Variants in PID1 observed in about 807,000 individuals in gnomAD.
PID1 encodes the protein phosphotyrosine interaction domain containing 1, also known as PTB-containing, cubilin and LRP1-interacting protein.
Under a neutral mutation model 19.1 loss-of-function variants are expected in PID1, and 10 were observed. The ratio of observed to expected loss-of-function variants is 0.52; its 90% CI spans 0.32 to 0.89. PID1 has a LOEUF of 0.89. PID1 is among the 40% of genes least tolerant of loss of function. The pLI, the probability that PID1 is intolerant of heterozygous loss-of-function variation, is 0.03. For synonymous variants in PID1, 130 were observed against 116.0 expected (o/e 1.12, Z -0.78); for missense variants, 248 against 285.3 (o/e 0.87, Z 0.94).
chr2:229,046,346 A>AAG (rs1263021466), intron 2 of PID1, among the ~76,000 whole-genome samples: 4 of 107,480 alleles, frequency 3.7e-5, no homozygotes, highest in Non-Finnish European at 5.4e-5. Context: ...TAAATTAGGA[A>AAG]AGTGTGTGTG....
chr2:229,257,365 G>C (rs1002431255), intron 1 of PID1, among the ~76,000 whole-genome samples: 2 of 152,150 alleles, frequency 1.3e-5, no homozygotes, highest in Non-Finnish European at 2.9e-5. Flanking sequence ...TTCTTTGTGT[G>C]CACATCCTTT....
chr2:229,110,970 T>G (rs117393428), intron 2 of PID1, among the ~76,000 whole-genome samples: 1 of 152,134 alleles, frequency 6.6e-6, no homozygotes, highest in Admixed American at 6.5e-5. Flanking sequence ...TGGGAGATAA[T>G]TGAATCATGG....
At chr2:229,077,089 A>C (rs1020715736) in intron 2 of PID1, among the ~76,000 whole-genome samples, 2 of 152,178 alleles carry the variant, frequency 1.3e-5, no homozygotes, top group African/African-American at 4.8e-5. Flanking sequence ...CGCTATTCTA[A>C]CTGGCATGAG....
intron 1 of PID1, among the ~76,000 whole-genome samples, chr2:229,204,570 T>C (rs1691566199): frequency 6.6e-6 from 1 of 152,066 alleles, no homozygotes; most frequent in Admixed American, 6.6e-5. Flanking sequence ...ATTTGATTAG[T>C]TTGTCCACCT....
At chr2:229,097,935 C>G (rs1317376978) in intron 2 of PID1, among the ~76,000 whole-genome samples, 2 of 152,144 alleles carry the variant, frequency 1.3e-5, no homozygotes, top group Admixed American at 1.3e-4. Flanking sequence ...TGTTCTGAAA[C>G]CAGAGCTAGG....
chr2:229,041,248 C>T (rs1693765140), intron 2 of PID1, among the ~76,000 whole-genome samples: 1 of 152,110 alleles, frequency 6.6e-6, no homozygotes, highest in South Asian at 2.1e-4. Flanking sequence ...GAACATCACG[C>T]TTTACCAGAA....
At chr2:229,101,409 T>TC (rs1413922748) in intron 2 of PID1, among the ~76,000 whole-genome samples, 1 of 152,082 alleles carries the variant, frequency 6.6e-6, no homozygotes, top group Non-Finnish European at 1.5e-5. Context: ...CTCTGCCTCA[T>TC]CCAGAGAATG....
At chr2:229,264,067 G>A (rs1188746516) in intron 1 of PID1, among the ~76,000 whole-genome samples, 1 of 152,172 alleles carries the variant, frequency 6.6e-6, no homozygotes, top group Non-Finnish European at 1.5e-5. Flanking sequence ...TAGCAGCACT[G>A]CTGGAGTGGA....
At chr2:229,270,679 A>G (rs1158321739) in intron 1 of PID1, among the ~76,000 whole-genome samples, 1 of 151,174 alleles carries the variant, frequency 6.6e-6, no homozygotes, top group Admixed American at 6.6e-5. Context: ...TCTGGCTTCA[A>G]AAATCCTAAC....
At chr2:229,231,776 T>G in intron 1 of PID1, 1 of 1,315,002 alleles carries the variant, frequency 7.6e-7, no homozygotes, top group Admixed American at 2.3e-5. Flanking sequence ...CATGGATGTG[T>G]CTCAATAGTC....
At chr2:229,053,339 C>G (rs1013158145) in intron 2 of PID1, among the ~76,000 whole-genome samples, 13 of 152,118 alleles carry the variant, frequency 8.5e-5, no homozygotes, top group Admixed American at 7.9e-4. Context: ...AGATGTTACA[C>G]TGATTAGAGA....
chr2:229,034,725 G>A (rs34025994), intron 2 of PID1, among the ~76,000 whole-genome samples: 19,742 of 151,920 alleles, frequency 0.13, 1,334 homozygotes, highest in Admixed American at 0.17. Context: ...GCCAAGGAAA[G>A]TTGTTTTCTG....
intron 2 of PID1, among the ~76,000 whole-genome samples, chr2:229,149,460 T>C (rs1358175446): frequency 6.6e-6 from 1 of 152,168 alleles, no homozygotes; most frequent in East Asian, 1.9e-4. Context: ...GACTGGCTGT[T>C]TTATACAAGC....
At chr2:229,237,113 C>A (rs1421886613) in intron 1 of PID1, among the ~76,000 whole-genome samples, 1 of 151,716 alleles carries the variant, frequency 6.6e-6, no homozygotes, top group Admixed American at 6.6e-5. Context: ...AACAGAGGAA[C>A]TACATGATAG....
chr2:229,202,076 T>A (rs1040992482), intron 1 of PID1, among the ~76,000 whole-genome samples: 1 of 152,088 alleles, frequency 6.6e-6, no homozygotes, highest in Non-Finnish European at 1.5e-5. Flanking sequence ...AATATTTTTT[T>A]AAAGTATTTC....
intron 1 of PID1, among the ~76,000 whole-genome samples, chr2:229,208,400 T>C (rs1393461247): frequency 6.6e-6 from 1 of 152,210 alleles, no homozygotes; most frequent in Non-Finnish European, 1.5e-5. Context: ...CAAGTAACAA[T>C]TGTCTCAAAA....
At chr2:229,089,694 G>C (rs886964426) in intron 2 of PID1, among the ~76,000 whole-genome samples, 1 of 152,144 alleles carries the variant, frequency 6.6e-6, no homozygotes, top group Non-Finnish European at 1.5e-5. Flanking sequence ...CTTAATACTG[G>C]AATACTAAAG....
chr2:229,077,683 T>C (rs747364529), intron 2 of PID1, among the ~76,000 whole-genome samples: 1 of 152,200 alleles, frequency 6.6e-6, no homozygotes, highest in Non-Finnish European at 1.5e-5. Flanking sequence ...TTGTCAAAGA[T>C]CAGATGGTTG....
chr2:229,222,549 AC>A (rs1559291863), intron 1 of PID1, among the ~76,000 whole-genome samples: 2 of 152,192 alleles, frequency 1.3e-5, no homozygotes, highest in Non-Finnish European at 2.9e-5. Flanking sequence ...GTTTGGTTAA[AC>A]ATTGCTCATG....
Sources: gnomAD v4.1 joint callset for allele counts (sites outside exome capture counted in the v4.1 genomes callset) on GRCh38, gnomAD v4.1.1 for gene constraint, MANE v1.5 for transcripts, NCBI Gene and HGNC (gene_info 2026-07-23, HGNC 2026-07-21) for gene names.